Variants in KATNIP observed in about 807,000 individuals in gnomAD.
KATNIP encodes the protein katanin interacting protein.
Under a neutral mutation model 174.0 loss-of-function variants are expected in KATNIP, and 126 were observed. The ratio of observed to expected loss-of-function variants is 0.72; its 90% confidence interval spans 0.63 to 0.84. The LOEUF (loss-of-function observed/expected upper bound fraction) is 0.84, where lower values mean the gene tolerates loss of function less well. KATNIP is among the 40% of genes least tolerant of loss of function. The pLI is 0.00. For synonymous variants in KATNIP, 810 were observed against 835.7 expected, an observed-to-expected ratio of 0.97 and a Z score of 0.53; for missense variants, 1,958 against 2,109.7, an observed-to-expected ratio of 0.93 and a Z score of 1.41.
At chr16:27,638,431 CAG>C (rs1567237548) in intron 5 of KATNIP, among the ~76,000 whole-genome samples, 1 of 152,162 alleles carries the variant, frequency 6.6e-6, no homozygotes, top group Non-Finnish European at 1.5e-5. Flanking sequence ...TCCATGGAGA[CAG>C]AGTCTTGGGT....
In KATNIP at chr16:27,595,810, G is replaced by C. The variant is rs551734449; in HGVS notation, c.63+21854G>C. On this transcript the variant is annotated intron_variant, in intron 2 of 27. Transcript: ENST00000261588. The stretch of plus-strand genomic sequence containing the variant: ...CGGAGGAGGGATGTGACATTAAATA[G>C]GGCCCTCAGAAGGGCCTTGCTGAGA... 2.6e-5 allele frequency among the ~76,000 whole-genome samples: 4 copies of C among 152,346 alleles called. No individual in the cohort carries two copies. The South Asian group carries it at 8.3e-4, about 32-fold the overall frequency.
chr16:27,683,803 A>G (rs988968540), intron 8 of KATNIP, among the ~76,000 whole-genome samples: 1 of 152,096 alleles, frequency 6.6e-6, no homozygotes, highest in Non-Finnish European at 1.5e-5. Flanking sequence ...TTCCTTCTGC[A>G]TCTCCTAGAT....
At chr16:27,649,427 G>A (rs1012609170) in intron 6 of KATNIP, among the ~76,000 whole-genome samples, 1 of 152,158 alleles carries the variant, frequency 6.6e-6, no homozygotes, top group African/African-American at 2.4e-5. Context: ...TGACCATCAG[G>A]CTCTGTCCCA....
At chr16:27,703,670 C>T (rs2079188733) in intron 11 of KATNIP, among the ~76,000 whole-genome samples, 1 of 152,178 alleles carries the variant, frequency 6.6e-6, no homozygotes, top group African/African-American at 2.4e-5. Context: ...GGCCACCTTG[C>T]CCCAAGCAGT....
At chr16:27,704,921 T>C (rs1450762036) in intron 12 of KATNIP, among the ~76,000 whole-genome samples, 1 of 149,272 alleles carries the variant, frequency 6.7e-6, no homozygotes, top group Non-Finnish European at 1.5e-5. Flanking sequence ...TTTTTTTTTT[T>C]TTTTTCTTAG....
chr16:27,638,352 A>G (rs2076697301), intron 5 of KATNIP, among the ~76,000 whole-genome samples: 1 of 152,236 alleles, frequency 6.6e-6, no homozygotes, highest in Admixed American at 6.5e-5. Flanking sequence ...CATGAGGAAG[A>G]CAGGCTGGAT....
At chr16:27,666,481 A>G (rs2077687342) in intron 6 of KATNIP, among the ~76,000 whole-genome samples, 2 of 152,062 alleles carry the variant, frequency 1.3e-5, no homozygotes, top group South Asian at 2.1e-4. Flanking sequence ...ATAGTGGTGC[A>G]GTCTTGACTC....
intron 14 of KATNIP, among the ~76,000 whole-genome samples, chr16:27,723,663 T>C (rs918696913): frequency 6.6e-6 from 1 of 152,178 alleles, no homozygotes; most frequent in Non-Finnish European, 1.5e-5. Context: ...ATGTTCCTAA[T>C]AATCCATAAG....
intron 13 of KATNIP, among the ~76,000 whole-genome samples, chr16:27,713,487 C>T (rs901099299): frequency 6.6e-6 from 1 of 151,366 alleles, no homozygotes; most frequent in Non-Finnish European, 1.5e-5. Flanking sequence ...ACCTATAATC[C>T]CAGCACACTT....
chr16:27,584,221 C>T (rs1014834439), intron 2 of KATNIP, among the ~76,000 whole-genome samples: 3 of 151,964 alleles, frequency 2.0e-5, no homozygotes, highest in Non-Finnish European at 4.4e-5. Flanking sequence ...TCGGAATTCT[C>T]TCAGCAACTT....
intron 16 of KATNIP, among the ~76,000 whole-genome samples, chr16:27,751,030 A>G (rs2081498327): frequency 6.6e-6 from 1 of 152,054 alleles, no homozygotes; most frequent in Non-Finnish European, 1.5e-5. Flanking sequence ...ACCCAGCCAC[A>G]GACCCGGTCC....
At chr16:27,671,106 T>A (rs975106192) in intron 6 of KATNIP, among the ~76,000 whole-genome samples, 1 of 152,024 alleles carries the variant, frequency 6.6e-6, no homozygotes, top group African/African-American at 2.4e-5. Flanking sequence ...GGCAGGAGAA[T>A]CGCTTGAACC....
rs547721525 is a variant in KATNIP, at chr16:27,625,482, T to C, written c.141-3179T>C. Among the ~76,000 whole-genome samples the C allele has an allele frequency of 2.7e-4, 41 of 152,356 alleles. 1 individual carries two copies. Among genetic ancestry groups the C allele is most frequent in the Admixed American group, 2.7e-3 (41 of 15,308 alleles). On this transcript the variant is annotated intron_variant, in intron 3 of 27. Coordinates refer to ENST00000261588, the MANE Select transcript of KATNIP (RefSeq NM_015202.5). ...GACGGTGCCTACATTGTCCCTTGAT[T>C]GTTTGCTCTTGCAAGCGTAGCTATT...
chr16:27,717,302 G>A (rs1458820366), intron 13 of KATNIP, among the ~76,000 whole-genome samples: 3 of 152,094 alleles, frequency 2.0e-5, no homozygotes, highest in Non-Finnish European at 4.4e-5. Flanking sequence ...CTACTTCTGA[G>A]GGCAGCGCAG....
At chr16:27,575,478 A>C (rs2090463988) in intron 2 of KATNIP, among the ~76,000 whole-genome samples, 1 of 152,200 alleles carries the variant, frequency 6.6e-6, no homozygotes, top group Admixed American at 6.5e-5. Flanking sequence ...CTCATCAGAA[A>C]CACTGACCAA....
At chr16:27,696,731 C>CTT (rs796886653) in intron 8 of KATNIP, among the ~76,000 whole-genome samples, 2 of 140,640 alleles carry the variant, frequency 1.4e-5, no homozygotes, top group Non-Finnish European at 1.6e-5. Flanking sequence ...CATTTTTTTT[C>CTT]TTTTTTTTTT....
At chr16:27,587,158 G>C (rs1041855756) in intron 2 of KATNIP, among the ~76,000 whole-genome samples, 1 of 152,126 alleles carries the variant, frequency 6.6e-6, no homozygotes, top group African/African-American at 2.4e-5. Flanking sequence ...GCAGAATGGA[G>C]CTGAAAATAG....
At chr16:27,763,043 C>T (rs994344186) in intron 19 of KATNIP, among the ~76,000 whole-genome samples, 6 of 152,080 alleles carry the variant, frequency 3.9e-5, no homozygotes, top group African/African-American at 1.2e-4. Flanking sequence ...GTTGCCTGTG[C>T]GCAGTGGCTC....
At chr16:27,619,013 C>T (rs774218165) in intron 3 of KATNIP, among the ~76,000 whole-genome samples, 7 of 152,166 alleles carry the variant, frequency 4.6e-5, no homozygotes, top group South Asian at 4.1e-4. Context: ...CAGTGTGTAG[C>T]GATCAAGGTC....
Sources: gnomAD v4.1 joint callset for allele counts (sites outside exome capture counted in the v4.1 genomes callset) on GRCh38, gnomAD v4.1.1 for gene constraint, MANE v1.5 for transcripts, NCBI Gene and HGNC (gene_info 2026-07-23, HGNC 2026-07-21) for gene names.